The following TENM3 variants were observed in gnomAD, a reference collection of about 807,000 sequenced individuals.
TENM3 encodes teneurin-3.
A neutral mutation model predicts 255.1 loss-of-function variants in TENM3; 63 were observed. The observed-to-expected ratio is 0.25, with a 90% CI of 0.20 to 0.30. The LOEUF is 0.30. TENM3 is among the 10% of genes least tolerant of loss of function. The pLI, the probability that TENM3 is intolerant of heterozygous loss-of-function variation, is 1.00. For synonymous variants in TENM3, 1,306 were observed against 1,322.3 expected (o/e 0.99, Z 0.27); for missense variants, 2,929 against 3,461.1 (o/e 0.85, Z 3.86).
intron 4 of TENM3, among the ~76,000 whole-genome samples, chr4:182,609,937 A>G (rs569930025): frequency 1.1e-4 from 16 of 152,214 alleles, no homozygotes; most frequent in Non-Finnish European, 1.5e-4. Context: ...ACAAAGGTAA[A>G]TTGACATCTA....
chr4:181,524,088 A>G, the TENM3 span, among the ~76,000 whole-genome samples: 3 of 152,354 alleles, frequency 2.0e-5, no homozygotes, highest in African/African-American at 7.2e-5. Flanking sequence ...ACGAAACACT[A>G]ACATGGAAAT....
the TENM3 span, among the ~76,000 whole-genome samples, chr4:181,760,819 C>G: frequency 1.3e-5 from 2 of 151,954 alleles, no homozygotes; most frequent in East Asian, 3.9e-4. Flanking sequence ...TGGTTCCTCT[C>G]CTTCCTCTCC....
At chr4:182,535,583 A>G (rs1179459376) in intron 3 of TENM3, among the ~76,000 whole-genome samples, 1 of 152,042 alleles carries the variant, frequency 6.6e-6, no homozygotes, top group Non-Finnish European at 1.5e-5. Context: ...AAAAATAAAA[A>G]CTAAAAAATT....
At chr4:182,140,653 G>T (rs1172621903), upstream of TENM3, among the ~76,000 whole-genome samples, 1 of 152,184 alleles carries the variant, frequency 6.6e-6, no homozygotes, top group Non-Finnish European at 1.5e-5. Flanking sequence ...TGAAAGCCTC[G>T]CGTGTTAAAG....
In TENM3 at chr4:182,618,765, T is replaced by TA. The variant is rs1013078708; in HGVS notation, c.750-9877dup. On this transcript the variant is annotated intron_variant, in intron 4 of 27. Transcript: ENST00000511685. ...TAAAACATGATGTTTCATTTGAGGG[T>TA]AAAAAAAAATTTGAAATGAAATGTT... Among the ~76,000 whole-genome samples the TA allele has an allele frequency of 5.3e-5, 8 of 151,744 alleles. No individual in the cohort carries two copies. In the East Asian group the frequency reaches 9.7e-4, roughly 18 times the overall value.
At chr4:182,766,639 A>G (rs560779121) in intron 22 of TENM3, among the ~76,000 whole-genome samples, 4 of 152,264 alleles carry the variant, frequency 2.6e-5, no homozygotes, top group East Asian at 3.9e-4. Flanking sequence ...GTGACCATCT[A>G]TCACTATGCT....
chr4:181,861,960 T>C, the TENM3 span, among the ~76,000 whole-genome samples: 11 of 152,126 alleles, frequency 7.2e-5, no homozygotes, highest in African/African-American at 2.7e-4. Flanking sequence ...TTTGAGTCTC[T>C]ATGAGAAATA....
chr4:182,163,121 T>A (rs539233400), intron 1 of TENM3, among the ~76,000 whole-genome samples: 29 of 152,294 alleles, frequency 1.9e-4, no homozygotes, highest in African/African-American at 6.7e-4. Flanking sequence ...TCATTCTTAT[T>A]TCAGAGTTTC....
the TENM3 span, among the ~76,000 whole-genome samples, chr4:182,057,057 C>T: frequency 6.6e-6 from 1 of 151,326 alleles, no homozygotes; most frequent in Non-Finnish European, 1.5e-5. Flanking sequence ...TGATAGCCAT[C>T]GTTGTCAACA....
chr4:181,674,547 A>G, the TENM3 span, among the ~76,000 whole-genome samples: 1 of 152,322 alleles, frequency 6.6e-6, no homozygotes, highest in South Asian at 2.1e-4. Flanking sequence ...CCAAGAAGGT[A>G]ATTCAGCAAG....
chr4:181,599,926 T>C, the TENM3 span, among the ~76,000 whole-genome samples: 3 of 152,180 alleles, frequency 2.0e-5, no homozygotes, highest in Admixed American at 6.5e-5. Flanking sequence ...ATAACTTACA[T>C]TTACCGGTGA....
the TENM3 span, among the ~76,000 whole-genome samples, chr4:181,569,735 A>ATC: frequency 4.6e-5 from 7 of 152,196 alleles, no homozygotes; most frequent in African/African-American, 1.7e-4. Flanking sequence ...TCATCCTGCC[A>ATC]CTAGATGTCA....
chr4:182,296,082 G>C (rs2150347662), intron 1 of TENM3, among the ~76,000 whole-genome samples: 1 of 152,214 alleles, frequency 6.6e-6, no homozygotes, highest in African/African-American at 2.4e-5. Context: ...TCCTGCCTCA[G>C]CCTCCCGAGT....
intron 13 of TENM3, among the ~76,000 whole-genome samples, chr4:182,718,634 T>C (rs1759403191): frequency 6.6e-6 from 1 of 152,158 alleles, no homozygotes; most frequent in Admixed American, 6.5e-5. Flanking sequence ...GACTGTCACT[T>C]TCAGAAGGAA....
At chr4:182,785,434 G>A (rs571234571) in intron 24 of TENM3, among the ~76,000 whole-genome samples, 29 of 151,866 alleles carry the variant, frequency 1.9e-4, no homozygotes, top group East Asian at 1.8e-3. Context: ...AAGACCAGAC[G>A]CAGTGGTTTA....
At chr4:182,160,160 G>A (rs7681331) in intron 1 of TENM3, among the ~76,000 whole-genome samples, 4 of 148,990 alleles carry the variant, frequency 2.7e-5, no homozygotes, top group Non-Finnish European at 4.5e-5. Context: ...CCGCCACCAC[G>A]CCTGGCTAAT....
At chr4:182,219,861 CA>C (rs1755742844) in intron 1 of TENM3, among the ~76,000 whole-genome samples, 3 of 152,242 alleles carry the variant, frequency 2.0e-5, no homozygotes, top group African/African-American at 7.2e-5. Flanking sequence ...AAGGGGAAGG[CA>C]AATCACCTCT....
intron 4 of TENM3, among the ~76,000 whole-genome samples, chr4:182,617,280 A>G (rs577829928): frequency 2.0e-5 from 3 of 152,296 alleles, no homozygotes; most frequent in Admixed American, 2.0e-4. Context: ...CACACTAACA[A>G]TTCAGTGTTA....
intron 3 of TENM3, among the ~76,000 whole-genome samples, chr4:182,464,615 A>T (rs552541068): frequency 1.3e-5 from 2 of 152,354 alleles, no homozygotes; most frequent in South Asian, 4.1e-4. Context: ...AACTAGGTTT[A>T]TATTAAATAT....
Sources: allele counts gnomAD v4.1 joint callset (sites outside exome capture counted in the v4.1 genomes callset), GRCh38; gene constraint gnomAD v4.1.1; transcripts MANE v1.5; gene names NCBI Gene and HGNC (gene_info 2026-07-23, HGNC 2026-07-21).